The following DGKB variants were observed in gnomAD, a reference collection of about 807,000 sequenced individuals.
DGKB encodes the protein 90 kDa diacylglycerol kinase.
In DGKB, 67 loss-of-function variants were observed where a neutral mutation model predicts 114.3. The observed-to-expected ratio is 0.59, with a 90% CI of 0.48 to 0.72. DGKB has a LOEUF of 0.72. Among genes scored for constraint, DGKB ranks in the 30% least tolerant of loss-of-function variants. The pLI is 0.00. For synonymous variants in DGKB, 398 were observed against 323.1 expected, an observed-to-expected ratio of 1.23 and a Z score of -2.49; for missense variants, 907 against 975.2, an observed-to-expected ratio of 0.93 and a Z score of 0.93.
At chr7:14,604,096 T>A (rs1804043370) in intron 17 of DGKB, among the ~76,000 whole-genome samples, 1 of 152,094 alleles carries the variant, frequency 6.6e-6, no homozygotes, top group African/African-American at 2.4e-5. Context: ...TACCTCCAAA[T>A]AATTTATTCA....
At chr7:14,478,402 TGTAATTCTATGCAGAAGTGATTTAC>T in intron 20 of DGKB, among the ~76,000 whole-genome samples, 177 bp from the exon 21 acceptor site, 1 of 152,184 alleles carries the variant, frequency 6.6e-6, no homozygotes, top group African/African-American at 2.4e-5. Context: ...AAGTGATTTA[TGTAATTCTATGCAGAAGTGATTTAC>T]GTAATAATTT....
At chr7:14,732,157 T>C (rs951772843) in intron 5 of DGKB, among the ~76,000 whole-genome samples, 27 of 152,004 alleles carry the variant, frequency 1.8e-4, no homozygotes, top group African/African-American at 6.5e-4. Context: ...TTGCTTTTAC[T>C]ATGTATCCTG....
chr7:14,941,511 A>T lies in DGKB; in HGVS notation c.-188+33185T>A, dbSNP rs112861877. On this transcript the variant is annotated intron_variant, in intron 1 of 4. Coordinates refer to the DGKB transcript ENST00000437998. ...AATTAAATGGGTTTCATACAAAGTC[A>T]GTGTTCATTCCAAAAATTGTATGCA... Among the ~76,000 whole-genome samples the T allele has an allele frequency of 7.2e-5, 11 of 152,264 alleles. 2 individuals are homozygous for T. The highest frequency in any genetic ancestry group is 2.2e-4 in the African/African-American group (9 of 41,586).
At chr7:14,516,553 G>GTGCC (rs1399602927) in intron 20 of DGKB, among the ~76,000 whole-genome samples, 1 of 152,196 alleles carries the variant, frequency 6.6e-6, no homozygotes, top group African/African-American at 2.4e-5. Flanking sequence ...GGGAAATCTG[G>GTGCC]TGCCCTGCTT....
intron 1 of DGKB, among the ~76,000 whole-genome samples, chr7:14,872,427 T>C (rs917653605): frequency 6.6e-6 from 1 of 152,170 alleles, no homozygotes; most frequent in Non-Finnish European, 1.5e-5. Flanking sequence ...GAAAACTATT[T>C]GTCAACACCT....
chr7:14,326,975 G>C (rs1022898547), intron 23 of DGKB, among the ~76,000 whole-genome samples: 1 of 152,048 alleles, frequency 6.6e-6, no homozygotes, highest in Admixed American at 6.6e-5. Flanking sequence ...GTACTCACTA[G>C]TAAATACTCA....
intron 23 of DGKB, among the ~76,000 whole-genome samples, chr7:14,240,061 G>C (rs1793414567): frequency 6.6e-6 from 1 of 151,992 alleles, no homozygotes; most frequent in Non-Finnish European, 1.5e-5. Flanking sequence ...AGAAACATGT[G>C]ACAAAGTGGA....
chr7:14,701,220 C>T (rs1407382176), intron 7 of DGKB, among the ~76,000 whole-genome samples: 1 of 152,062 alleles, frequency 6.6e-6, no homozygotes, highest in East Asian at 1.9e-4. Flanking sequence ...CCTATTTCAG[C>T]CGCATATAGG....
intron 18 of DGKB, among the ~76,000 whole-genome samples, chr7:14,582,634 T>C (rs1237436678): frequency 6.6e-6 from 1 of 152,074 alleles, no homozygotes; most frequent in Non-Finnish European, 1.5e-5. Context: ...ATGATGATGA[T>C]GGATGATAAC....
chr7:14,918,893 C>G (rs1170740750), intron 1 of DGKB, among the ~76,000 whole-genome samples: 7 of 151,932 alleles, frequency 4.6e-5, no homozygotes, highest in African/African-American at 1.7e-4. Flanking sequence ...GAAACCCCGC[C>G]TCTACTAAAA....
At chr7:14,639,980 C>T (rs572046252) in intron 13 of DGKB, among the ~76,000 whole-genome samples, 6 of 152,254 alleles carry the variant, frequency 3.9e-5, no homozygotes, top group African/African-American at 1.4e-4. Flanking sequence ...TATCTACACA[C>T]CTGCACAAAC....
intron 20 of DGKB, among the ~76,000 whole-genome samples, chr7:14,552,897 T>C (rs891500502): frequency 2.6e-5 from 4 of 152,208 alleles, no homozygotes; most frequent in Admixed American, 6.5e-5. Context: ...AGCGTTGTTA[T>C]GGACCGGGAA....
chr7:14,957,038 T>C (rs541826975), intron 1 of DGKB, among the ~76,000 whole-genome samples: 1 of 152,128 alleles, frequency 6.6e-6, no homozygotes, highest in South Asian at 2.1e-4. Context: ...GGCTATCAAA[T>C]GCCCAAATAG....
chr7:14,628,326 G>GTGTGTGTGTGTGTGC (rs1308499919), intron 14 of DGKB, among the ~76,000 whole-genome samples: 9 of 95,066 alleles, frequency 9.5e-5, no homozygotes, highest in Admixed American at 2.8e-4. Context: ...TGTGTGTGTG[G>GTGTGTGTGTGTGTGC]TGTGTATGAG....
At chr7:14,509,758 C>CAGA (rs1563358402) in intron 20 of DGKB, among the ~76,000 whole-genome samples, 5 of 152,242 alleles carry the variant, frequency 3.3e-5, no homozygotes, top group Non-Finnish European at 7.3e-5. Flanking sequence ...TATTCTGTCT[C>CAGA]TTTCTAACTC....
chr7:14,963,327 C>T (rs1242732768), intron 1 of DGKB, among the ~76,000 whole-genome samples: 1 of 151,962 alleles, frequency 6.6e-6, no homozygotes, highest in East Asian at 1.9e-4. Context: ...CATTGTCTAA[C>T]AAAAGATGGG....
At chr7:14,574,484 T>C in intron 19 of DGKB, 112 bp from the exon 20 acceptor site, 1 of 856,904 alleles carries the variant, frequency 1.2e-6, no homozygotes, top group East Asian at 2.5e-5. Flanking sequence ...TAAATAATGA[T>C]TTTGAAGCAC....
At chr7:14,383,240 C>CT (rs1474294724) in intron 21 of DGKB, among the ~76,000 whole-genome samples, 1 of 152,036 alleles carries the variant, frequency 6.6e-6, no homozygotes, top group Non-Finnish European at 1.5e-5. Flanking sequence ...CTCTGCACAC[C>CT]TTTTTTAGGG....
Position 14,686,755 on chromosome 7 carries a change from G to T in DGKB, c.712-1393C>A, listed in dbSNP as rs78964726. On this transcript the variant is annotated intron_variant, in intron 9 of 25. Transcript: ENST00000402815. Reference sequence around the variant, plus strand: ...AAATGTCAAATTTGCCTCACAACATGAAACATTAATGAAATGCTTCCTGGG... The same window carrying T: ...AAATGTCAAATTTGCCTCACAACATTAAACATTAATGAAATGCTTCCTGGG... Among the ~76,000 whole-genome samples, 357 of 152,124 alleles carry T rather than the reference G, an allele frequency of 2.3e-3. 8 individuals are homozygous for T. In the East Asian group the frequency reaches 0.066, roughly 28 times the overall value.
Sources: gnomAD v4.1 joint callset for allele counts (sites outside exome capture counted in the v4.1 genomes callset) on GRCh38, gnomAD v4.1.1 for gene constraint, MANE v1.5 for transcripts, NCBI Gene and HGNC (gene_info 2026-07-23, HGNC 2026-07-21) for gene names.